FRMPD4: variants seen among roughly 807,000 people sequenced by gnomAD.
FRMPD4 encodes the protein FERM and PDZ domain-containing protein 4.
Under a neutral mutation model 94.1 loss-of-function variants are expected in FRMPD4, and 22 were observed. The ratio of observed to expected loss-of-function variants is 0.23; its 90% CI spans 0.17 to 0.33. The LOEUF (loss-of-function observed/expected upper bound fraction) is 0.33, where lower values mean the gene tolerates loss of function less well. Ranked by LOEUF, FRMPD4 falls within the 10% of genes least tolerant of loss-of-function variation. The pLI, the probability that FRMPD4 is intolerant of heterozygous loss-of-function variation, is 1.00. For missense variants in FRMPD4, 1,111 were observed against 1,339.9 expected, an observed-to-expected ratio of 0.83 and a Z score of 2.67; for synonymous variants, 631 against 548.6, an observed-to-expected ratio of 1.15 and a Z score of -2.10.
chrX:11,873,859 C>T (rs1482929239), intron 2 of FRMPD4, among the ~76,000 whole-genome samples: 1 of 111,334 alleles, frequency 9.0e-6, no homozygotes, highest in East Asian at 2.8e-4. Context: ...GTTACCAAAA[C>T]TTATCTGTGA....
chrX:12,171,775 A>G (rs1454674959), intron 1 of FRMPD4, among the ~76,000 whole-genome samples: 1 of 112,184 alleles, frequency 8.9e-6, no homozygotes, highest in Non-Finnish European at 1.9e-5. Flanking sequence ...TCATTAGCTT[A>G]TAGAAACAAG....
intron 3 of FRMPD4, among the ~76,000 whole-genome samples, chrX:12,035,550 A>G (rs2054716329): frequency 1.8e-5 from 2 of 112,335 alleles, no homozygotes; most frequent in Admixed American, 9.5e-5. Context: ...TTCAAGGTTA[A>G]CACTTTATAA....
At chrX:12,165,358 G>T (rs1351119318) in intron 1 of FRMPD4, among the ~76,000 whole-genome samples, 1 of 111,842 alleles carries the variant, frequency 8.9e-6, no homozygotes, top group East Asian at 2.8e-4. Context: ...TCAGATAGTT[G>T]TAGACATGCG....
In FRMPD4 at chrX:12,148,942, A is replaced by G. The variant is rs5979519; in HGVS notation, c.41+9930A>G. On this transcript the variant is annotated intron_variant, in intron 1 of 16. Coordinates refer to ENST00000675598, the MANE Select transcript of FRMPD4 (RefSeq NM_001368397.1). ...AAGCACACTGTTGAGACTTATATTC[A>G]GGAAAAATAGATTCCTTTCAAAATA... 8.8e-3 allele frequency among the ~76,000 whole-genome samples: 989 copies of G among 112,258 alleles called. 11 individuals are homozygous for G. Among genetic ancestry groups the G allele is most frequent in the African/African-American group, 0.03 (921 of 30,908 alleles).
chrX:12,145,222 A>G (rs754300132), intron 1 of FRMPD4, among the ~76,000 whole-genome samples: 1 of 112,235 alleles, frequency 8.9e-6, no homozygotes, highest in East Asian at 2.8e-4. Context: ...TTTCTATTGA[A>G]CTGGCACAGT....
intron 3 of FRMPD4, among the ~76,000 whole-genome samples, chrX:11,926,218 T>C (rs1379467002): frequency 1.0e-4 from 9 of 87,651 alleles, no homozygotes; most frequent in African/African-American, 4.3e-4. Context: ...AGACCAGTAA[T>C]GAGCTCTGAA....
At chrX:12,008,052 T>G (rs1383721720) in intron 3 of FRMPD4, among the ~76,000 whole-genome samples, 1 of 112,024 alleles carries the variant, frequency 8.9e-6, no homozygotes, top group African/African-American at 3.2e-5. Context: ...GGTTTATCAC[T>G]GACTAATAGA....
chrX:12,212,259 G>C (rs1406808675), intron 1 of FRMPD4, among the ~76,000 whole-genome samples: 2 of 111,614 alleles, frequency 1.8e-5, no homozygotes. Flanking sequence ...TCAGTGGGCT[G>C]ATTTTGGCCT....
At chrX:12,471,643 GGTATTCT>G (rs2057513990) in intron 1 of FRMPD4, among the ~76,000 whole-genome samples, 1 of 111,751 alleles carries the variant, frequency 8.9e-6, no homozygotes, top group African/African-American at 3.3e-5. Flanking sequence ...TTGCCTTGTT[GGTATTCT>G]GGCCAGGGAA....
intron 1 of FRMPD4, among the ~76,000 whole-genome samples, chrX:12,262,962 G>A (rs1346814721): frequency 7.2e-5 from 8 of 111,740 alleles, no homozygotes; most frequent in African/African-American, 2.0e-4. Context: ...AAGGGGCCTC[G>A]TGAGGTTAAT....
upstream of FRMPD4, among the ~76,000 whole-genome samples, chrX:12,136,312 T>A (rs998547933): frequency 1.0e-5 from 1 of 96,523 alleles, no homozygotes; most frequent in Non-Finnish European, 2.1e-5. Flanking sequence ...GGAGCTCCAG[T>A]GGGAGATTCA....
At chrX:11,935,268 T>TG (rs2054150716) in intron 3 of FRMPD4, among the ~76,000 whole-genome samples, 2 of 11,878 alleles carry the variant, frequency 1.7e-4, no homozygotes, top group African/African-American at 7.5e-4. Flanking sequence ...TTTTTTAATG[T>TG]GTTTTTTTTT....
intron 3 of FRMPD4, among the ~76,000 whole-genome samples, chrX:11,913,673 T>C (rs1178097945): frequency 9.5e-6 from 1 of 105,531 alleles, no homozygotes; most frequent in Non-Finnish European, 1.9e-5. Flanking sequence ...ATATATGTTT[T>C]CTTTCTAGAA....
At position 12,331,740 on chromosome X, in the gene FRMPD4, A is replaced by C. The variant is rs1271089090; in HGVS notation, c.42-166940A>C. Among the ~76,000 whole-genome samples the C allele has an allele frequency of 8.9e-3, 474 of 53,318 alleles. 14 individuals are homozygous for C. Among genetic ancestry groups the C allele is most frequent in the Non-Finnish European group, 0.012 (399 of 33,869 alleles). 46.3% of individuals were successfully genotyped at this position (53,318 alleles called of 115,157 possible). A position where few individuals can be genotyped will look rare whatever the true frequency, so the allele number is the denominator to read the frequency against. On this transcript the variant is annotated intron_variant, in intron 1 of 16. Transcript: ENST00000675598. ...TTTATATATAGTATATAAATATATA[A>C]TTTATATATTTATATACTATATATA...
At position 12,723,009 on chromosome X, in the gene FRMPD4, T is replaced by C. The variant is rs1409431365; in HGVS notation, c.*1151T>C. ...GGGACAAAATCTCAAATCTTGGATG[T>C]TCCAGAAAATCAGGGAGAGATGGCT... On this transcript the variant is annotated 3_prime_UTR_variant, in exon 17 of 17. Transcript: ENST00000675598. The C allele has an allele frequency of 9.0e-6, 1 of 111,111 alleles. No individual in the cohort carries two copies. The highest frequency in any genetic ancestry group is 1.9e-5 in the Non-Finnish European group (1 of 53,046). The allele number at this position is 111,111 out of a possible 1,213,427, so 9.2% of individuals were successfully genotyped here.
chrX:12,179,592 A>G (rs149196380), intron 1 of FRMPD4, among the ~76,000 whole-genome samples: 119 of 111,762 alleles, frequency 1.1e-3, no homozygotes, highest in African/African-American at 3.6e-3. Context: ...ACAAGTATGC[A>G]AGAAATATAT....
intron 1 of FRMPD4, among the ~76,000 whole-genome samples, chrX:12,398,084 C>T (rs915951223): frequency 2.7e-5 from 3 of 111,083 alleles, no homozygotes; most frequent in African/African-American, 9.8e-5. Flanking sequence ...TTGATTTGAC[C>T]ACTTTGCAAA....
intron 1 of FRMPD4, among the ~76,000 whole-genome samples, chrX:12,376,979 C>G (rs748512257): frequency 8.9e-6 from 1 of 112,039 alleles, no homozygotes; most frequent in East Asian, 2.8e-4. Context: ...TGCTGCTCCC[C>G]TAGGGTCTCA....
At chrX:12,141,788 C>T (rs1390611912) in intron 1 of FRMPD4, among the ~76,000 whole-genome samples, 1 of 111,904 alleles carries the variant, frequency 8.9e-6, no homozygotes, top group Non-Finnish European at 1.9e-5. Flanking sequence ...TTCACTGTTT[C>T]CTTGGTAACA....
Sources: allele counts gnomAD v4.1 joint callset (sites outside exome capture counted in the v4.1 genomes callset), GRCh38; gene constraint gnomAD v4.1.1; transcripts MANE v1.5; gene names NCBI Gene and HGNC (gene_info 2026-07-23, HGNC 2026-07-21).